CEP112: variants seen among roughly 807,000 people sequenced by gnomAD.
CEP112 encodes centrosomal protein 112.
A neutral mutation model predicts 153.0 loss-of-function variants in CEP112; 127 were observed. The ratio of observed to expected loss-of-function variants is 0.83; its 90% CI spans 0.72 to 0.96. The LOEUF is 0.96. Ranked by LOEUF, CEP112 falls within the 40% of genes least tolerant of loss-of-function variation. CEP112 has a pLI of 0.00. For synonymous variants in CEP112, 358 were observed against 374.4 expected, an observed-to-expected ratio of 0.96 and a Z score of 0.51; for missense variants, 1,089 against 1,101.2, an observed-to-expected ratio of 0.99 and a Z score of 0.16.
intron 25 of CEP112, 79 bp from the exon 26 acceptor site, chr17:65,637,267 A>G: frequency 1.0e-6 from 1 of 956,518 alleles, no homozygotes; most frequent in South Asian, 1.4e-5. Context: ...GTAAGATTTT[A>G]TTTAAATTCA....
At chr17:66,143,157 G>C (rs1659368437) in intron 4 of CEP112, among the ~76,000 whole-genome samples, 1 of 152,182 alleles carries the variant, frequency 6.6e-6, no homozygotes, top group Non-Finnish European at 1.5e-5. Flanking sequence ...AAATGAAGCA[G>C]AGAAGACAAG....
At chr17:65,924,708 T>C (rs774355363) in intron 19 of CEP112, among the ~76,000 whole-genome samples, 10 of 152,200 alleles carry the variant, frequency 6.6e-5, no homozygotes, top group Non-Finnish European at 1.3e-4. Flanking sequence ...CTTTCTTAAT[T>C]TACCAAAGCT....
At chr17:65,638,085 G>A (rs548718010) in intron 25 of CEP112, among the ~76,000 whole-genome samples, 3 of 152,204 alleles carry the variant, frequency 2.0e-5, no homozygotes, top group Non-Finnish European at 4.4e-5. Flanking sequence ...CCAAGGTTAT[G>A]AGGATGACAT....
In CEP112 at chr17:65,890,728, G is replaced by A. The variant is rs1044111606; in HGVS notation, c.2163+11424C>T. ...CTAGACAGTAGAAATGGACCAAGGG[G>A]ATATTAATCTCCTTCCATACCAAAG... On this transcript the variant is annotated intron_variant, in intron 20 of 26. Transcript: ENST00000535342. Among the ~76,000 whole-genome samples, 8 of 152,118 alleles carry A rather than the reference G, an allele frequency of 5.3e-5. 1 individual carries two copies. In the South Asian group the frequency reaches 1.0e-3, roughly 20 times the overall value.
At chr17:65,852,124 T>C (rs1204575887) in intron 20 of CEP112, 90 bp from the exon 21 acceptor site, 6 of 776,854 alleles carry the variant, frequency 7.7e-6, no homozygotes, top group East Asian at 5.2e-5. Flanking sequence ...ATAAATGAAA[T>C]ATGAACATAT....
chr17:66,034,758 T>C (rs1418200061), intron 12 of CEP112, among the ~76,000 whole-genome samples: 1 of 151,870 alleles, frequency 6.6e-6, no homozygotes, highest in African/African-American at 2.4e-5. Flanking sequence ...TGTATATCAT[T>C]GAACAAAGTA....
chr17:66,124,139 G>T (rs565583301), intron 6 of CEP112, among the ~76,000 whole-genome samples: 1 of 152,270 alleles, frequency 6.6e-6, no homozygotes, highest in Non-Finnish European at 1.5e-5. Flanking sequence ...AGTTCTCTAA[G>T]ACTTCTATGA....
At chr17:65,950,565 A>AT (rs1389322175) in intron 18 of CEP112, among the ~76,000 whole-genome samples, 1 of 152,048 alleles carries the variant, frequency 6.6e-6, no homozygotes, top group Non-Finnish European at 1.5e-5. Context: ...ATTTTTACAT[A>AT]TTTTATCCTG....
At chr17:65,907,826 C>A (rs949382760) in intron 19 of CEP112, among the ~76,000 whole-genome samples, 2 of 152,202 alleles carry the variant, frequency 1.3e-5, no homozygotes, top group Non-Finnish European at 2.9e-5. Flanking sequence ...TTGTCCTTTA[C>A]TTGTGGACAC....
rs1350035708 is a variant in CEP112 at position 65,681,195 on chromosome 17, C to T, written c.2697+7934G>A. Among the ~76,000 whole-genome samples the T allele has an allele frequency of 2.6e-5, 4 of 152,262 alleles. No individual in the cohort carries two copies. The East Asian group carries it at 5.8e-4, about 22-fold the overall frequency. ...ATGCCATGAAGATGACAGATCGGGT[C>T]CTTACCCTAAGGGGCATAATGTCTA... On this transcript the variant is annotated intron_variant, in intron 24 of 26. Coordinates refer to ENST00000535342, the MANE Select transcript of CEP112 (RefSeq NM_001199165.4).
chr17:65,639,796 C>T (rs955150321), intron 25 of CEP112, among the ~76,000 whole-genome samples: 1 of 149,972 alleles, frequency 6.7e-6, no homozygotes, highest in Non-Finnish European at 1.5e-5. Flanking sequence ...TTTCTCACAT[C>T]GTGAACCACA....
At chr17:65,929,704 G>A (rs896356021) in intron 18 of CEP112, among the ~76,000 whole-genome samples, 6 of 152,108 alleles carry the variant, frequency 3.9e-5, no homozygotes, top group African/African-American at 7.2e-5. Context: ...TAGTATCAAC[G>A]ATTTATCACA....
chr17:66,122,695 G>A (rs201157525), intron 6 of CEP112, among the ~76,000 whole-genome samples: 1 of 152,104 alleles, frequency 6.6e-6, no homozygotes, highest in Non-Finnish European at 1.5e-5. Context: ...CTGGCTGTTT[G>A]TTCTATTATT....
intron 5 of CEP112, among the ~76,000 whole-genome samples, chr17:66,130,234 A>T (rs901868786): frequency 3.3e-5 from 5 of 152,156 alleles, no homozygotes; most frequent in East Asian, 3.9e-4. Context: ...TTCAAAAAAA[A>T]AAAAATTAAA....
intron 18 of CEP112, among the ~76,000 whole-genome samples, chr17:65,937,498 T>G (rs1165999829): frequency 2.0e-5 from 2 of 99,132 alleles, no homozygotes; most frequent in East Asian, 5.9e-4. Context: ...ACCCTCTGCC[T>G]GGCAACCGCC....
At chr17:65,890,464 C>T (rs1236252291) in intron 20 of CEP112, among the ~76,000 whole-genome samples, 5 of 152,208 alleles carry the variant, frequency 3.3e-5, no homozygotes, top group Non-Finnish European at 7.3e-5. Flanking sequence ...CTGATGACCT[C>T]CTCAGACCTG....
intron 23 of CEP112, among the ~76,000 whole-genome samples, chr17:65,701,336 A>G (rs1375213749): frequency 6.6e-6 from 1 of 152,238 alleles, no homozygotes; most frequent in African/African-American, 2.4e-5. Context: ...CAGAGAACAC[A>G]GTAGAATTAA....
chr17:65,997,574 A>C (rs1190038910), intron 17 of CEP112, among the ~76,000 whole-genome samples: 1 of 152,236 alleles, frequency 6.6e-6, no homozygotes, highest in Non-Finnish European at 1.5e-5. Context: ...TATGTAAAAC[A>C]TAAATACAAT....
At chr17:66,005,654 G>A in intron 17 of CEP112, 36 bp downstream of exon 17, 1 of 1,591,768 alleles carries the variant, frequency 6.3e-7, no homozygotes. Flanking sequence ...TTAATAAAGG[G>A]TAGTTTTAAA....
Sources: gnomAD v4.1 joint callset for allele counts (sites outside exome capture counted in the v4.1 genomes callset) on GRCh38, gnomAD v4.1.1 for gene constraint, MANE v1.5 for transcripts, NCBI Gene and HGNC (gene_info 2026-07-23, HGNC 2026-07-21) for gene names.